The following PLPPR1 variants were observed in gnomAD, a reference collection of about 807,000 sequenced individuals.
The protein encoded by PLPPR1 is phospholipid phosphatase related 1.
Under a neutral mutation model 33.1 loss-of-function variants are expected in PLPPR1, and 10 were observed. The ratio of observed to expected loss-of-function variants is 0.30; its 90% CI spans 0.19 to 0.51. The LOEUF is 0.51. Ranked by LOEUF, PLPPR1 falls within the 20% of genes least tolerant of loss-of-function variation. The probability of loss-of-function intolerance (pLI) is 0.97; values close to 1 mark genes in which losing one functional copy is unlikely to be tolerated. For missense variants in PLPPR1, 304 were observed against 408.1 expected, an observed-to-expected ratio of 0.74 and a Z score of 2.20; for synonymous variants, 151 against 151.0, an observed-to-expected ratio of 1.00 and a Z score of 0.00.
chr9:101,117,591 C>G (rs1386366412), intron 1 of PLPPR1, among the ~76,000 whole-genome samples: 1 of 151,960 alleles, frequency 6.6e-6, no homozygotes, highest in Non-Finnish European at 1.5e-5. Flanking sequence ...GCAGCCCATG[C>G]TGCTGCTCTG....
chr9:101,318,088 T>C (rs1381555341), intron 7 of PLPPR1, among the ~76,000 whole-genome samples: 1 of 152,162 alleles, frequency 6.6e-6, no homozygotes, highest in Non-Finnish European at 1.5e-5. Flanking sequence ...CCCAGCACTT[T>C]TGGAGGCCAA....
chr9:101,305,263 A>G (rs573649448), intron 4 of PLPPR1, among the ~76,000 whole-genome samples: 6 of 152,118 alleles, frequency 3.9e-5, no homozygotes, highest in African/African-American at 1.4e-4. Flanking sequence ...GTGTGAGAAA[A>G]AGAGAGAGAT....
At chr9:101,064,497 G>A (rs1830385781) in intron 1 of PLPPR1, among the ~76,000 whole-genome samples, 2 of 152,068 alleles carry the variant, frequency 1.3e-5, no homozygotes, top group Non-Finnish European at 2.9e-5. Flanking sequence ...GGTTTCCAAA[G>A]ATCAAGTATT....
chr9:101,190,880 G>T (rs1253313442), intron 2 of PLPPR1, among the ~76,000 whole-genome samples: 2 of 152,138 alleles, frequency 1.3e-5, no homozygotes, highest in Non-Finnish European at 2.9e-5. Context: ...TTAACAGTGG[G>T]AGGAAAGCAG....
At chr9:101,129,672 A>G (rs1358232739) in intron 1 of PLPPR1, among the ~76,000 whole-genome samples, 5 of 152,152 alleles carry the variant, frequency 3.3e-5, no homozygotes, top group Non-Finnish European at 5.9e-5. Flanking sequence ...TCTACTAAAA[A>G]TACAAAAAAA....
intron 1 of PLPPR1, among the ~76,000 whole-genome samples, chr9:101,036,534 T>A (rs1041162885): frequency 1.1e-4 from 17 of 151,582 alleles, no homozygotes; most frequent in African/African-American, 4.1e-4. Flanking sequence ...TATTTTTAAG[T>A]GTTTTGAAGA....
chr9:101,238,595 G>A (rs76740732), intron 2 of PLPPR1, among the ~76,000 whole-genome samples: 8,028 of 151,452 alleles, frequency 0.053, 299 homozygotes, highest in South Asian at 0.17. Flanking sequence ...ACACATGGAC[G>A]TAGAGAGTGG....
intron 1 of PLPPR1, among the ~76,000 whole-genome samples, chr9:101,180,815 A>G (rs1407866523): frequency 2.6e-5 from 4 of 152,072 alleles, no homozygotes; most frequent in Admixed American, 1.3e-4. Flanking sequence ...ATGCTTCACA[A>G]TATTGGACTG....
chr9:101,256,420 T>C (rs915869441), intron 2 of PLPPR1, among the ~76,000 whole-genome samples: 1 of 151,968 alleles, frequency 6.6e-6, no homozygotes, highest in Non-Finnish European at 1.5e-5. Context: ...CCTGACTGCA[T>C]TGAAGAAGAA....
chr9:101,136,597 A>G lies in PLPPR1; in HGVS notation c.-45-48853A>G, dbSNP rs563298261. Among the ~76,000 whole-genome samples, 10 of 152,282 alleles carry G rather than the reference A, an allele frequency of 6.6e-5. No individual in the cohort carries two copies. In the South Asian group the frequency reaches 1.0e-3, roughly 16 times the overall value. On this transcript the variant is annotated intron_variant, in intron 1 of 7. Coordinates refer to ENST00000374874, the MANE Select transcript of PLPPR1 (RefSeq NM_207299.2). ...TTCCTTTCTGTTCAATTTTTGGTCAATAAGGTCAGCATATGTTTATTCATG... is the reference window on the plus strand; with the variant it reads ...TTCCTTTCTGTTCAATTTTTGGTCAGTAAGGTCAGCATATGTTTATTCATG...
chr9:101,300,039 A>G (rs1454711300), intron 4 of PLPPR1, among the ~76,000 whole-genome samples: 2 of 151,806 alleles, frequency 1.3e-5, no homozygotes, highest in African/African-American at 4.9e-5. Context: ...TTAAGAAGTT[A>G]TACAATATCT....
intron 1 of PLPPR1, among the ~76,000 whole-genome samples, chr9:101,039,911 G>T (rs563053446): frequency 8.1e-6 from 1 of 123,578 alleles, no homozygotes; most frequent in Admixed American, 8.5e-5. Flanking sequence ...CGGCCAAACC[G>T]TATTGCCTCC....
chr9:101,077,125 G>A (rs1830548195), intron 1 of PLPPR1, among the ~76,000 whole-genome samples: 1 of 152,122 alleles, frequency 6.6e-6, no homozygotes, highest in African/African-American at 2.4e-5. Flanking sequence ...ACACCCCATT[G>A]ATGCCAAAGT....
intron 2 of PLPPR1, among the ~76,000 whole-genome samples, chr9:101,189,827 G>A (rs1207413635): frequency 6.6e-6 from 1 of 151,870 alleles, no homozygotes; most frequent in Non-Finnish European, 1.5e-5. Context: ...TATGGTTTTA[G>A]TTTGTCTTTA....
At chr9:101,032,929 G>A (rs1020958341) in intron 1 of PLPPR1, among the ~76,000 whole-genome samples, 1 of 152,186 alleles carries the variant, frequency 6.6e-6, no homozygotes, top group African/African-American at 2.4e-5. Flanking sequence ...CTGATACATA[G>A]TAGTATGGCA....
chr9:101,073,881 G>C (rs1830508188), intron 1 of PLPPR1, among the ~76,000 whole-genome samples: 1 of 151,620 alleles, frequency 6.6e-6, no homozygotes, highest in Admixed American at 6.6e-5. Flanking sequence ...CTGTTTTATG[G>C]AGACAGAAGA....
intron 2 of PLPPR1, among the ~76,000 whole-genome samples, chr9:101,254,818 C>A (rs1429045303): frequency 6.6e-6 from 1 of 152,142 alleles, no homozygotes; most frequent in East Asian, 1.9e-4. Flanking sequence ...TTCCCTCCAA[C>A]TTTTTAACCA....
rs529506387 is a variant in PLPPR1, at chr9:101,170,437, T to C, written c.-45-15013T>C. Among the ~76,000 whole-genome samples the C allele has an allele frequency of 3.9e-5, 6 of 152,122 alleles. No individual in the cohort carries two copies. The East Asian group carries it at 9.7e-4, about 25-fold the overall frequency. On this transcript the variant is annotated intron_variant, in intron 1 of 7. Coordinates refer to ENST00000374874, the MANE Select transcript of PLPPR1 (RefSeq NM_207299.2). ...AGGGGAACTCCTCTTTATAAAACCA[T>C]CAGATCTCATGAGAAAGAACCCCCA...
chr9:101,215,864 C>T (rs1223917413), intron 2 of PLPPR1, among the ~76,000 whole-genome samples: 1 of 152,016 alleles, frequency 6.6e-6, no homozygotes, highest in Non-Finnish European at 1.5e-5. Context: ...TGTATATATG[C>T]CACATTTCCT....
Sources: allele counts gnomAD v4.1 joint callset (sites outside exome capture counted in the v4.1 genomes callset), GRCh38; gene constraint gnomAD v4.1.1; transcripts MANE v1.5; gene names NCBI Gene and HGNC (gene_info 2026-07-23, HGNC 2026-07-21).